FSTL5: variants seen among roughly 807,000 people sequenced by gnomAD.
FSTL5 encodes follistatin-related protein 5.
A neutral mutation model predicts 89.1 loss-of-function variants in FSTL5; 62 were observed. That is an observed-to-expected ratio of 0.70 (90% confidence interval 0.57 to 0.86). The LOEUF is 0.86. FSTL5 is among the 40% of genes least tolerant of loss of function. FSTL5 has a pLI of 0.00. For synonymous variants in FSTL5, 383 were observed against 346.2 expected, an observed-to-expected ratio of 1.11 and a Z score of -1.18; for missense variants, 1,057 against 1,001.6, an observed-to-expected ratio of 1.06 and a Z score of -0.75.
intron 7 of FSTL5, among the ~76,000 whole-genome samples, chr4:161,610,781 ATT>A (rs5863473): frequency 0.01 from 1,586 of 151,668 alleles, 24 homozygotes; most frequent in African/African-American, 0.036. Context: ...TTCCTCTATA[ATT>A]TTTTTTTATA....
intron 1 of FSTL5, among the ~76,000 whole-genome samples, chr4:162,153,952 C>G (rs1306988953): frequency 1.3e-5 from 2 of 151,084 alleles, no homozygotes; most frequent in Non-Finnish European, 2.9e-5. Flanking sequence ...ATTACAGGTG[C>G]CTGCCACCAT....
chr4:161,451,442 G>A (rs1333393780), intron 15 of FSTL5, among the ~76,000 whole-genome samples: 1 of 152,172 alleles, frequency 6.6e-6, no homozygotes, highest in Non-Finnish European at 1.5e-5. Flanking sequence ...GAGGAAGCCA[G>A]GCAGGGAAAA....
rs202141729 is a variant in FSTL5, at chr4:161,920,422, C to T, written c.391G>A (p.Glu131Lys). Residue 131 changes from glutamate to lysine, a missense_variant, in exon 4 of 16, where the codon GAA (glutamate) becomes AAA (lysine). By Grantham distance (56) the Glu-to-Lys change is moderately conservative (BLOSUM62 1). Around this residue, in one of 3 missense-constraint regions of FSTL5, gnomAD observed 980 missense variants for 903.2 expected, o/e 1.08. Coordinates refer to ENST00000306100, the MANE Select transcript of FSTL5 (RefSeq NM_020116.5). Reference sequence around the variant, plus strand: ...CATTTACCTTTAAAGAAGCAGTCTTCATTGTGAACAATGGTAATCTTTTGT... The same window carrying T: ...CATTTACCTTTAAAGAAGCAGTCTTTATTGTGAACAATGGTAATCTTTTGT... ...KKQKITIVHN[E>K]DCFFKGDKCK... 5.6e-6 allele frequency: 9 copies of T among 1,613,896 alleles called. No individual in the cohort carries two copies. The highest frequency in any genetic ancestry group is 7.6e-6 in the Non-Finnish European group (9 of 1,179,878).
At chr4:161,666,613 A>G (rs1736905216) in intron 6 of FSTL5, among the ~76,000 whole-genome samples, 1 of 152,150 alleles carries the variant, frequency 6.6e-6, no homozygotes, top group Non-Finnish European at 1.5e-5. Context: ...CAGAAGTAAG[A>G]ACACATAATT....
chr4:161,438,886 G>T (rs1410575665), intron 15 of FSTL5, among the ~76,000 whole-genome samples: 1 of 151,574 alleles, frequency 6.6e-6, no homozygotes, highest in Non-Finnish European at 1.5e-5. Flanking sequence ...TAGTAAAAAT[G>T]TAAGTATAGG....
intron 6 of FSTL5, among the ~76,000 whole-genome samples, chr4:161,720,010 A>C (rs1739137110): frequency 6.6e-6 from 1 of 152,168 alleles, no homozygotes; most frequent in Non-Finnish European, 1.5e-5. Context: ...TTTATTGGCT[A>C]TTACACCAAA....
At chr4:162,095,112 G>A (rs1180136983) in intron 2 of FSTL5, among the ~76,000 whole-genome samples, 1 of 151,784 alleles carries the variant, frequency 6.6e-6, no homozygotes, top group Non-Finnish European at 1.5e-5. Flanking sequence ...TTAAAATATA[G>A]ATTAATAAGA....
intron 3 of FSTL5, among the ~76,000 whole-genome samples, chr4:161,948,470 T>A (rs529839506): frequency 1.2e-3 from 161 of 139,932 alleles, no homozygotes; most frequent in African/African-American, 4.0e-3. Context: ...TGAACGGAAT[T>A]TTTTTCTTTT....
At chr4:161,931,457 T>C (rs1734282343) in intron 3 of FSTL5, among the ~76,000 whole-genome samples, 1 of 151,912 alleles carries the variant, frequency 6.6e-6, no homozygotes, top group Admixed American at 6.6e-5. Flanking sequence ...AGAGTGATTA[T>C]AAATAAAGAC....
chr4:161,403,976 C>G (rs978932334), intron 15 of FSTL5, among the ~76,000 whole-genome samples: 1 of 152,190 alleles, frequency 6.6e-6, no homozygotes, highest in African/African-American at 2.4e-5. Context: ...CCTAGCCTTG[C>G]TTCATCCCTC....
At chr4:162,099,879 A>G (rs1482293968) in intron 2 of FSTL5, among the ~76,000 whole-genome samples, 1 of 152,196 alleles carries the variant, frequency 6.6e-6, no homozygotes, top group African/African-American at 2.4e-5. Flanking sequence ...TACAGCGTCC[A>G]CTATTTGGAC....
At chr4:161,903,440 C>T (rs577561268) in intron 4 of FSTL5, among the ~76,000 whole-genome samples, 1 of 151,906 alleles carries the variant, frequency 6.6e-6, no homozygotes, top group South Asian at 2.1e-4. Flanking sequence ...TTGCATAAAA[C>T]CACTTCTTGA....
chr4:161,703,056 C>A (rs1423419498), intron 6 of FSTL5, among the ~76,000 whole-genome samples: 3 of 151,812 alleles, frequency 2.0e-5, no homozygotes, highest in Non-Finnish European at 4.4e-5. Context: ...GATATGCACA[C>A]GTAAAGAAAA....
chr4:161,542,760 A>T (rs1481139874), intron 8 of FSTL5, 67 bp from the exon 9 acceptor site: 32 of 983,756 alleles, frequency 3.3e-5, no homozygotes, highest in Non-Finnish European at 4.4e-5. Flanking sequence ...TTCCAAAAGA[A>T]AAATTGCAAT....
At chr4:161,615,665 T>C (rs115514165) in intron 7 of FSTL5, among the ~76,000 whole-genome samples, 4,764 of 152,172 alleles carry the variant, frequency 0.031, 93 homozygotes, top group South Asian at 0.075. Context: ...ACGAAAAAGA[T>C]TTAAAGAGTT....
intron 8 of FSTL5, among the ~76,000 whole-genome samples, chr4:161,557,687 C>T (rs1381618337): frequency 6.6e-6 from 1 of 150,392 alleles, no homozygotes; most frequent in Non-Finnish European, 1.5e-5. Flanking sequence ...TCTGAGTCAT[C>T]AATATTAAAA....
At chr4:162,017,892 C>T (rs1013989803) in intron 3 of FSTL5, among the ~76,000 whole-genome samples, 1 of 152,102 alleles carries the variant, frequency 6.6e-6, no homozygotes, top group African/African-American at 2.4e-5. Context: ...ATCATATTGT[C>T]CAACTCATTA....
intron 7 of FSTL5, among the ~76,000 whole-genome samples, chr4:161,589,783 C>T (rs1733741983): frequency 6.6e-6 from 1 of 151,962 alleles, no homozygotes; most frequent in Non-Finnish European, 1.5e-5. Flanking sequence ...TCCATATATT[C>T]CTAGGAGTCT....
intron 11 of FSTL5, among the ~76,000 whole-genome samples, chr4:161,508,867 A>G (rs1279571789): frequency 2.6e-5 from 4 of 152,286 alleles, no homozygotes; most frequent in African/African-American, 9.6e-5. Context: ...AGCTTCATAC[A>G]AATTTTCCCA....
Sources: allele counts gnomAD v4.1 joint callset (sites outside exome capture counted in the v4.1 genomes callset), GRCh38; gene constraint gnomAD v4.1.1; regional missense constraint gnomAD v4.1.1; transcripts MANE v1.5; gene names NCBI Gene and HGNC (gene_info 2026-07-23, HGNC 2026-07-21).